RARB: variants seen among roughly 807,000 people sequenced by gnomAD.
The protein encoded by RARB is retinoic acid receptor beta.
A neutral mutation model predicts 51.9 loss-of-function variants in RARB; 17 were observed. The ratio of observed to expected loss-of-function variants is 0.33; its 90% CI spans 0.22 to 0.49. The LOEUF is 0.49. RARB is among the 20% of genes least tolerant of loss of function. RARB has a pLI of 0.99. For synonymous variants in RARB, 215 were observed against 195.4 expected (o/e 1.10, Z -0.84); for missense variants, 369 against 550.8 (o/e 0.67, Z 3.30).
At chr3:25,174,389 G>A (rs747210890) in exon 5 of RARB, 55 of 1,351,834 alleles carry the variant, frequency 4.1e-5, no homozygotes, top group Non-Finnish European at 5.1e-5. Context: ...TTTCTGTGAG[G>A]CCCGAAACAT....
At chr3:25,003,413 TATA>T in intron 2 of RARB, among the ~76,000 whole-genome samples, 1 of 152,232 alleles carries the variant, frequency 6.6e-6, no homozygotes, top group Admixed American at 6.5e-5. Flanking sequence ...TTAAATAAAA[TATA>T]ATGCTGGTAA....
intron 2 of RARB, among the ~76,000 whole-genome samples, chr3:24,993,339 T>G (rs974187264): frequency 6.6e-6 from 1 of 152,156 alleles, no homozygotes; most frequent in Admixed American, 6.5e-5. Flanking sequence ...CTTATTAATA[T>G]GGCATTTTGT....
chr3:25,007,364 G>A (rs529604835), intron 2 of RARB, among the ~76,000 whole-genome samples: 2 of 151,896 alleles, frequency 1.3e-5, no homozygotes, highest in African/African-American at 2.4e-5. Context: ...AGTGGCTCAC[G>A]CCTGTAATCC....
At chr3:24,838,207 A>C (rs1702368630) in intron 1 of RARB, among the ~76,000 whole-genome samples, 1 of 152,080 alleles carries the variant, frequency 6.6e-6, no homozygotes, top group African/African-American at 2.4e-5. Context: ...AATTTCTCTG[A>C]CTTCCACTTT....
At chr3:25,199,227 T>C (rs903671892) in intron 5 of RARB, among the ~76,000 whole-genome samples, 5 of 151,488 alleles carry the variant, frequency 3.3e-5, no homozygotes, top group Admixed American at 6.6e-5. Flanking sequence ...TCTCACTTAT[T>C]TGAGGGAGCT....
At chr3:25,194,841 T>G (rs1178599485) in intron 5 of RARB, among the ~76,000 whole-genome samples, 2 of 151,988 alleles carry the variant, frequency 1.3e-5, no homozygotes, top group Non-Finnish European at 2.9e-5. Flanking sequence ...GTTTCTATGA[T>G]GGCCGCTCTG....
At chr3:25,177,219 T>C (rs1224001382) in intron 5 of RARB, among the ~76,000 whole-genome samples, 1 of 152,226 alleles carries the variant, frequency 6.6e-6, no homozygotes, top group Non-Finnish European at 1.5e-5. Flanking sequence ...AAGAAGGAAT[T>C]GTCCTTGTTA....
intron 2 of RARB, among the ~76,000 whole-genome samples, chr3:24,923,181 T>A (rs1050678786): frequency 3.9e-5 from 6 of 152,140 alleles, no homozygotes; most frequent in Non-Finnish European, 8.8e-5. Context: ...TGAACTAAGA[T>A]CAGAAAGGTG....
At chr3:25,086,186 G>C (rs1429239559) in intron 3 of RARB, among the ~76,000 whole-genome samples, 1 of 152,146 alleles carries the variant, frequency 6.6e-6, no homozygotes, top group South Asian at 2.1e-4. Flanking sequence ...TTATAGGAAT[G>C]GTGAATTCTA....
At chr3:25,351,324 GC>G (rs561692174) in intron 5 of RARB, among the ~76,000 whole-genome samples, 218 of 150,898 alleles carry the variant, frequency 1.4e-3, no homozygotes, top group Non-Finnish European at 2.4e-3. Flanking sequence ...TTTTTCTATA[GC>G]ATCCCTTTGA....
intron 5 of RARB, among the ~76,000 whole-genome samples, chr3:25,226,142 A>G (rs1702051543): frequency 6.6e-6 from 1 of 152,192 alleles, no homozygotes; most frequent in Admixed American, 6.5e-5. Flanking sequence ...ATTTGCCATC[A>G]GTTTTTTTAA....
intron 2 of RARB, among the ~76,000 whole-genome samples, chr3:25,475,989 GT>G (rs995473091): frequency 1.3e-5 from 2 of 152,202 alleles, no homozygotes; most frequent in Non-Finnish European, 2.9e-5. Flanking sequence ...TCTACTCCAT[GT>G]TACCTTCACT....
intron 2 of RARB, among the ~76,000 whole-genome samples, chr3:25,482,925 CAATT>C (rs1373673192): frequency 6.6e-6 from 1 of 152,136 alleles, no homozygotes; most frequent in East Asian, 1.9e-4. Context: ...ATTATTTCAA[CAATT>C]AATATAAAAC....
At chr3:25,292,003 G>A (rs1038097149) in intron 5 of RARB, among the ~76,000 whole-genome samples, 21 of 151,272 alleles carry the variant, frequency 1.4e-4, no homozygotes, top group Admixed American at 4.6e-4. Context: ...TTAATACAAC[G>A]TTGTTTCTAA....
At chr3:25,366,897 T>G (rs960554696) in intron 5 of RARB, among the ~76,000 whole-genome samples, 1 of 152,150 alleles carries the variant, frequency 6.6e-6, no homozygotes, top group African/African-American at 2.4e-5. Flanking sequence ...AACATATTGT[T>G]AGGCCCAAAT....
chr3:25,301,859 C>T (rs1704049554), intron 5 of RARB, among the ~76,000 whole-genome samples: 1 of 152,162 alleles, frequency 6.6e-6, no homozygotes, highest in South Asian at 2.1e-4. Flanking sequence ...GCACTGGGGT[C>T]ATAGTGCTAG....
At position 25,175,878 on chromosome 3, in the gene RARB, A is replaced by ATT. The variant is rs138667855; in HGVS notation, c.178+1304_178+1305dup. Among the ~76,000 whole-genome samples the ATT allele has an allele frequency of 5.7e-3, 869 of 152,312 alleles. 11 individuals carry two copies. The highest frequency in any genetic ancestry group is 0.02 in the African/African-American group (823 of 41,578). ...AAAGTTGAAGCAGCCAAAGCGGCGT[A>ATT]TTGACTATCCAGAGAAATGGACATA... is the stretch of plus-strand genomic sequence containing the variant. On this transcript the variant is annotated intron_variant, in intron 5 of 11. Coordinates refer to the RARB transcript ENST00000383772.
chr3:25,035,410 C>A lies in RARB; in HGVS notation c.-379-24715C>A, dbSNP rs570033805. ...GTGCTGGAATTACAGTTGTGAGCCG[C>A]TGCGTCCAGCCTTTTTTTTTTTTTT... On this transcript the variant is annotated intron_variant, in intron 2 of 11. Coordinates refer to the RARB transcript ENST00000383772. 2.7e-5 allele frequency among the ~76,000 whole-genome samples: 4 copies of A among 146,106 alleles called. No homozygotes were observed. In the Admixed American group the frequency reaches 2.7e-4, roughly 10 times the overall value.
intron 5 of RARB, among the ~76,000 whole-genome samples, chr3:25,381,852 C>T (rs548144869): frequency 6.6e-6 from 1 of 152,150 alleles, no homozygotes; most frequent in African/African-American, 2.4e-5. Context: ...TCAAGTGATT[C>T]TGATGATGCT....
Sources: allele counts gnomAD v4.1 joint callset (sites outside exome capture counted in the v4.1 genomes callset), GRCh38; gene constraint gnomAD v4.1.1; transcripts MANE v1.5; gene names NCBI Gene and HGNC (gene_info 2026-07-23, HGNC 2026-07-21).